CDKAL1: variants seen among roughly 807,000 people sequenced by gnomAD.
CDKAL1 encodes the protein CDKAL1 threonylcarbamoyladenosine tRNA methylthiotransferase.
Under a neutral mutation model 68.2 loss-of-function variants are expected in CDKAL1, and 32 were observed. That is an observed-to-expected ratio of 0.47 (90% CI 0.35 to 0.63). The LOEUF is 0.63. Ranked by LOEUF, CDKAL1 falls within the 30% of genes least tolerant of loss-of-function variation. CDKAL1 has a pLI of 0.00. For synonymous variants in CDKAL1, 234 were observed against 244.3 expected, an observed-to-expected ratio of 0.96 and a Z score of 0.39; for missense variants, 606 against 696.7, an observed-to-expected ratio of 0.87 and a Z score of 1.47.
chr6:21,173,735 A>G (rs1017226996), intron 13 of CDKAL1, among the ~76,000 whole-genome samples: 3 of 152,330 alleles, frequency 2.0e-5, no homozygotes, highest in Admixed American at 2.0e-4. Context: ...TGAAAAACTA[A>G]TAAGACCATT....
rs1174499231 is a variant in CDKAL1, at chr6:20,771,015, T to C, written c.518-10130T>C. ...CATCTCTGACACATCCTTCCACTTA[T>C]TTGTTCAACAGTCTGCCTTCCTCGA... On this transcript the variant is annotated intron_variant, in intron 7 of 15. Coordinates refer to ENST00000274695, the MANE Select transcript of CDKAL1 (RefSeq NM_017774.3). 2.0e-5 allele frequency among the ~76,000 whole-genome samples: 3 copies of C among 152,284 alleles called. No individual in the cohort carries two copies. The South Asian group carries it at 6.2e-4, about 32-fold the overall frequency.
chr6:20,628,519 A>T (rs939536576), intron 4 of CDKAL1, among the ~76,000 whole-genome samples: 4 of 152,186 alleles, frequency 2.6e-5, no homozygotes, highest in African/African-American at 9.6e-5. Context: ...ACATAATTAC[A>T]TGTGACTATT....
intron 4 of CDKAL1, among the ~76,000 whole-genome samples, chr6:20,639,950 C>T (rs147127780): frequency 0.016 from 2,453 of 152,240 alleles, 65 homozygotes; most frequent in African/African-American, 0.054. Flanking sequence ...ATTACAGGCG[C>T]GAGCCACCGC....
At chr6:21,210,133 A>G (rs972640109) in intron 15 of CDKAL1, among the ~76,000 whole-genome samples, 4 of 152,210 alleles carry the variant, frequency 2.6e-5, no homozygotes, top group East Asian at 3.9e-4. Context: ...TGGTCATCCT[A>G]TAAATTCCAA....
At chr6:20,935,617 A>T (rs2150683762) in intron 9 of CDKAL1, among the ~76,000 whole-genome samples, 1 of 152,166 alleles carries the variant, frequency 6.6e-6, no homozygotes, top group African/African-American at 2.4e-5. Context: ...TTTAGTAGAG[A>T]CAGGGTTTTG....
intron 13 of CDKAL1, among the ~76,000 whole-genome samples, chr6:21,196,088 A>G (rs1778460347): frequency 6.6e-6 from 1 of 152,240 alleles, no homozygotes; most frequent in Admixed American, 6.5e-5. Flanking sequence ...TCCAGATGAA[A>G]TAGAGCAGCC....
chr6:20,729,897 A>G (rs370387583), intron 5 of CDKAL1, among the ~76,000 whole-genome samples: 14 of 152,274 alleles, frequency 9.2e-5, no homozygotes, highest in African/African-American at 3.1e-4. Context: ...TGCTGCTACA[A>G]TGTGCCAGGC....
At chr6:21,120,676 CT>C (rs1774666344) in intron 13 of CDKAL1, among the ~76,000 whole-genome samples, 1 of 152,096 alleles carries the variant, frequency 6.6e-6, no homozygotes, top group Admixed American at 6.6e-5. Context: ...TAGATATGTG[CT>C]TTTTAAAAAT....
intron 13 of CDKAL1, among the ~76,000 whole-genome samples, chr6:21,177,735 G>A (rs769146396): frequency 6.6e-6 from 1 of 150,964 alleles, no homozygotes; most frequent in Non-Finnish European, 1.5e-5. Flanking sequence ...CCAAACATTG[G>A]TTTTATAAGG....
At chr6:20,578,720 T>C (rs868109053) in intron 4 of CDKAL1, among the ~76,000 whole-genome samples, 18 of 152,352 alleles carry the variant, frequency 1.2e-4, no homozygotes, top group Middle Eastern at 3.4e-3. Flanking sequence ...AGTTGTTTAC[T>C]TAATTCTCTA....
intron 8 of CDKAL1, among the ~76,000 whole-genome samples, chr6:20,786,109 C>T (rs1318904682): frequency 6.6e-6 from 1 of 152,122 alleles, no homozygotes; most frequent in Non-Finnish European, 1.5e-5. Context: ...CCTGTAATCC[C>T]AGCTACTCGG....
chr6:20,558,655 C>T (rs1243072663), intron 4 of CDKAL1: 2 of 452,318 alleles, frequency 4.4e-6, no homozygotes, highest in African/African-American at 4.0e-5. Context: ...GTTCATCACA[C>T]CACATTTCCA....
chr6:20,722,263 GT>G (rs535662911), intron 5 of CDKAL1: 6,360 of 148,286 alleles, frequency 0.043, 172 homozygotes, highest in Non-Finnish European at 0.059. Flanking sequence ...AAAAATGAGG[GT>G]TTTTTTTTTT....
At chr6:20,984,191 G>C (rs1766315946) in intron 10 of CDKAL1, among the ~76,000 whole-genome samples, 1 of 152,168 alleles carries the variant, frequency 6.6e-6, no homozygotes, top group Non-Finnish European at 1.5e-5. Flanking sequence ...ACTGAAGCAG[G>C]ATATTTCCCT....
intron 6 of CDKAL1, among the ~76,000 whole-genome samples, chr6:20,757,658 C>T (rs1184691332): frequency 6.6e-6 from 1 of 152,110 alleles, no homozygotes; most frequent in African/African-American, 2.4e-5. Context: ...GGTATCTGCT[C>T]ATCACACTAT....
At chr6:20,752,602 C>A (rs78371656) in intron 6 of CDKAL1, among the ~76,000 whole-genome samples, 2,148 of 152,168 alleles carry the variant, frequency 0.014, 46 homozygotes, top group South Asian at 0.049. Context: ...TACCCAGATT[C>A]CCCAAATATT....
intron 5 of CDKAL1, among the ~76,000 whole-genome samples, chr6:20,727,049 A>G (rs1180265576): frequency 3.3e-5 from 5 of 152,180 alleles, no homozygotes; most frequent in Admixed American, 3.3e-4. Context: ...CTGGGTTGTA[A>G]ATCAGTTCTG....
At chr6:21,211,910 A>T (rs1160748423) in intron 15 of CDKAL1, among the ~76,000 whole-genome samples, 1 of 151,606 alleles carries the variant, frequency 6.6e-6, no homozygotes, top group East Asian at 1.9e-4. Context: ...GACATGCGCC[A>T]CTGTGCCTGG....
chr6:20,874,603 C>T (rs1249881211), intron 9 of CDKAL1, among the ~76,000 whole-genome samples: 1 of 152,078 alleles, frequency 6.6e-6, no homozygotes, highest in Non-Finnish European at 1.5e-5. Flanking sequence ...GCAACCTCCG[C>T]CTCCAGGTTC....
Sources: allele counts gnomAD v4.1 joint callset (sites outside exome capture counted in the v4.1 genomes callset), GRCh38; gene constraint gnomAD v4.1.1; transcripts MANE v1.5; gene names NCBI Gene and HGNC (gene_info 2026-07-23, HGNC 2026-07-21).